NEXMIF: variants seen among roughly 807,000 people sequenced by gnomAD.
The protein encoded by NEXMIF is neurite extension and migration factor.
In NEXMIF, 8 loss-of-function variants were observed where a neutral mutation model predicts 62.1. That is an observed-to-expected ratio of 0.13 (90% confidence interval 0.08 to 0.23). The LOEUF (loss-of-function observed/expected upper bound fraction) is 0.23, where lower values mean the gene tolerates loss of function less well. NEXMIF is among the 10% of genes least tolerant of loss of function. The pLI is 1.00. For synonymous variants in NEXMIF, 404 were observed against 416.6 expected (o/e 0.97, Z 0.37); for missense variants, 976 against 1,113.3 (o/e 0.88, Z 1.75).
rs139421500 is a variant in NEXMIF at position 74,858,359 on chromosome X, A to G, written c.-48+66524T>C. Among the ~76,000 whole-genome samples, 448 of 112,170 alleles carry G rather than the reference A, an allele frequency of 4.0e-3. 3 individuals are homozygous for G. The highest frequency in any genetic ancestry group is 9.3e-3 in the Middle Eastern group (2 of 216). ...TTTGTTTGGAAGAAAGTAAGGGAAG[A>G]AAACAAGAGTCTCTCTGTCTGGTAA... On this transcript the variant is annotated intron_variant, in intron 1 of 3. Coordinates refer to ENST00000055682, the MANE Select transcript of NEXMIF (RefSeq NM_001008537.3).
intron 1 of NEXMIF, among the ~76,000 whole-genome samples, chrX:74,908,588 G>A (rs984162977): frequency 6.2e-5 from 7 of 112,431 alleles, no homozygotes; most frequent in Admixed American, 3.8e-4. Flanking sequence ...CCACTATTTC[G>A]ACAATAAACA....
chrX:74,767,639 C>A (rs780136612), intron 1 of NEXMIF, among the ~76,000 whole-genome samples: 42 of 111,596 alleles, frequency 3.8e-4, no homozygotes, highest in Non-Finnish European at 3.4e-4. Context: ...GGCTCAGAAC[C>A]ACTGACAGCT....
intron 1 of NEXMIF, among the ~76,000 whole-genome samples, chrX:74,803,027 G>A (rs2080334380): frequency 9.1e-6 from 1 of 109,572 alleles, no homozygotes; most frequent in Non-Finnish European, 1.9e-5. Flanking sequence ...GGAGACAAAA[G>A]AAAAAAGAAT....
At chrX:74,814,677 T>C (rs1296921997) in intron 1 of NEXMIF, among the ~76,000 whole-genome samples, 2 of 112,236 alleles carry the variant, frequency 1.8e-5, no homozygotes, top group African/African-American at 6.5e-5. Flanking sequence ...GCCAAAAATA[T>C]ACAACTAAAA....
intron 1 of NEXMIF, among the ~76,000 whole-genome samples, chrX:74,917,988 T>C (rs1054524286): frequency 3.6e-5 from 4 of 111,077 alleles, no homozygotes; most frequent in Non-Finnish European, 1.9e-5. Context: ...AATAAAAAAA[T>C]GTCTGTGAAG....
intron 1 of NEXMIF, among the ~76,000 whole-genome samples, chrX:74,874,637 C>A (rs1491003566): frequency 1.1e-5 from 1 of 91,271 alleles, no homozygotes; most frequent in Admixed American, 1.3e-4. Context: ...ATGGAATGTT[C>A]TTCCATTTGT....
intron 1 of NEXMIF, among the ~76,000 whole-genome samples, chrX:74,911,872 T>G (rs1013147893): frequency 8.9e-6 from 1 of 111,977 alleles, no homozygotes; most frequent in African/African-American, 3.2e-5. Flanking sequence ...ATACAAACAA[T>G]ACATATTCAA....
rs775127318 is a variant in NEXMIF, at chrX:74,777,088, A to G, written c.-47-31391T>C. Among the ~76,000 whole-genome samples the G allele has an allele frequency of 8.8e-4, 98 of 111,951 alleles. 1 individual carries two copies. Among genetic ancestry groups the G allele is most frequent in the Admixed American group, 6.6e-4 (7 of 10,530 alleles). The stretch of plus-strand genomic sequence containing the variant: ...ATGATAAGGATATTAACATCTATCA[A>G]TTACCTGCTGTGTGCTAGAAACTTT... On this transcript the variant is annotated intron_variant, in intron 1 of 3. Coordinates refer to ENST00000055682, the MANE Select transcript of NEXMIF (RefSeq NM_001008537.3).
chrX:74,820,003 A>G (rs928795941), intron 1 of NEXMIF, among the ~76,000 whole-genome samples: 3 of 111,876 alleles, frequency 2.7e-5, no homozygotes, highest in African/African-American at 9.8e-5. Context: ...AATACTATGC[A>G]GCCATGAAAA....
chrX:74,813,581 A>C (rs1266604273), intron 1 of NEXMIF, among the ~76,000 whole-genome samples: 1 of 112,321 alleles, frequency 8.9e-6, no homozygotes, highest in Non-Finnish European at 1.9e-5. Context: ...GAGCATGTGC[A>C]CACATGAATA....
intron 1 of NEXMIF, among the ~76,000 whole-genome samples, chrX:74,914,913 G>A (rs2080801550): frequency 8.9e-6 from 1 of 111,776 alleles, no homozygotes; most frequent in Non-Finnish European, 1.9e-5. Flanking sequence ...AGGGCATTAC[G>A]CTGAGTGAAA....
At chrX:74,918,140 C>T (rs1016801805) in intron 1 of NEXMIF, among the ~76,000 whole-genome samples, 1 of 111,697 alleles carries the variant, frequency 9.0e-6, no homozygotes, top group Admixed American at 9.5e-5. Flanking sequence ...AATTCTGTAA[C>T]AGCTAGGGAA....
intron 1 of NEXMIF, among the ~76,000 whole-genome samples, chrX:74,888,103 C>T (rs1391680521): frequency 9.2e-6 from 1 of 108,850 alleles, no homozygotes; most frequent in African/African-American, 3.4e-5. Context: ...AACACATGGA[C>T]ACAGGAAGGG....
At chrX:74,882,094 C>T (rs958435339) in intron 1 of NEXMIF, among the ~76,000 whole-genome samples, 2 of 112,076 alleles carry the variant, frequency 1.8e-5, no homozygotes, top group Non-Finnish European at 3.8e-5. Context: ...AATTCCTATT[C>T]ACAATAGCAA....
At chrX:74,744,500 A>C (rs2080119609) in intron 2 of NEXMIF, 23 bp from the exon 3 acceptor site, 5 of 1,116,005 alleles carry the variant, frequency 4.5e-6, no homozygotes, top group Non-Finnish European at 6.0e-6. Context: ...GAAAGAAATG[A>C]CAGGAATAAA....
At chrX:74,836,411 G>A (rs2080456641) in intron 1 of NEXMIF, among the ~76,000 whole-genome samples, 1 of 112,245 alleles carries the variant, frequency 8.9e-6, no homozygotes, top group Non-Finnish European at 1.9e-5. Flanking sequence ...CACATCTGTG[G>A]TCAGAACGTC....
chrX:74,745,021 G>A (rs1209381271), intron 2 of NEXMIF, among the ~76,000 whole-genome samples: 2 of 101,036 alleles, frequency 2.0e-5, no homozygotes, highest in African/African-American at 7.3e-5. Flanking sequence ...TTGCTCTATT[G>A]CCCAGGCTGA....
At chrX:74,894,804 C>T (rs1387736337) in intron 1 of NEXMIF, among the ~76,000 whole-genome samples, 1 of 111,977 alleles carries the variant, frequency 8.9e-6, no homozygotes, top group East Asian at 2.8e-4. Flanking sequence ...ATAATAAAAA[C>T]CCTCAAAGAA....
chrX:74,854,249 C>A (rs1358143517), intron 1 of NEXMIF, among the ~76,000 whole-genome samples: 1 of 112,032 alleles, frequency 8.9e-6, no homozygotes. Flanking sequence ...GGATCTATCC[C>A]AGGGATGCAA....
Sources: gnomAD v4.1 joint callset for allele counts (sites outside exome capture counted in the v4.1 genomes callset) on GRCh38, gnomAD v4.1.1 for gene constraint, MANE v1.5 for transcripts, NCBI Gene and HGNC (gene_info 2026-07-23, HGNC 2026-07-21) for gene names.